The following ADAM29 variants were observed in gnomAD, a reference collection of about 807,000 sequenced individuals.
ADAM29 encodes ADAM metallopeptidase domain 29, also known as disintegrin and metalloproteinase domain-containing protein 29.
For missense variants in ADAM29, 969 were observed against 1,001.8 expected (o/e 0.97, Z 0.44); for synonymous variants, 367 against 342.3 (o/e 1.07, Z -0.80).
At chr4:174,937,894 T>C (rs1560867754) in intron 4 of ADAM29, among the ~76,000 whole-genome samples, 1 of 151,602 alleles carries the variant, frequency 6.6e-6, no homozygotes, top group Non-Finnish European at 1.5e-5. Flanking sequence ...AAGCCAGGAG[T>C]GAAAGAAGCA....
At chr4:174,936,211 C>G (rs1248452766) in intron 3 of ADAM29, among the ~76,000 whole-genome samples, 2 of 151,948 alleles carry the variant, frequency 1.3e-5, no homozygotes, top group East Asian at 3.9e-4. Flanking sequence ...GAAATTCTGT[C>G]TCTATAATAT....
chr4:174,957,001 T>C (rs1745546470), intron 4 of ADAM29, among the ~76,000 whole-genome samples: 1 of 151,920 alleles, frequency 6.6e-6, no homozygotes, highest in Admixed American at 6.6e-5. Context: ...ATTTTTACCT[T>C]TCTTTGCGTG....
intron 3 of ADAM29, among the ~76,000 whole-genome samples, chr4:174,936,571 A>G (rs1744213843): frequency 1.3e-5 from 2 of 152,010 alleles, no homozygotes; most frequent in Admixed American, 1.3e-4. Context: ...TTGATAAAAC[A>G]TTGCAGTTAA....
At chr4:174,924,694 A>G (rs564504278) in intron 2 of ADAM29, among the ~76,000 whole-genome samples, 124 of 152,320 alleles carry the variant, frequency 8.1e-4, no homozygotes, top group African/African-American at 2.9e-3. Flanking sequence ...ATAGTAGGTG[A>G]AAAAAGCCAG....
chr4:174,946,367 A>T (rs558959264), intron 4 of ADAM29, among the ~76,000 whole-genome samples: 2 of 152,294 alleles, frequency 1.3e-5, no homozygotes, highest in South Asian at 2.1e-4. Flanking sequence ...ACTTTGCTTA[A>T]GTACTGTATT....
intron 4 of ADAM29, among the ~76,000 whole-genome samples, chr4:174,949,461 G>A (rs1239642677): frequency 6.6e-6 from 1 of 152,150 alleles, no homozygotes; most frequent in Non-Finnish European, 1.5e-5. Context: ...GGATTCCAGA[G>A]GTCCATGATA....
intron 4 of ADAM29, among the ~76,000 whole-genome samples, chr4:174,965,520 TATC>T (rs1553977779): frequency 1.1e-4 from 15 of 140,514 alleles, no homozygotes; most frequent in Admixed American, 3.5e-4. Flanking sequence ...TCTATCTATC[TATC>T]ATCTATCATC....
chr4:174,934,858 T>C (rs997105581), intron 3 of ADAM29, among the ~76,000 whole-genome samples: 6 of 152,134 alleles, frequency 3.9e-5, no homozygotes, highest in African/African-American at 1.4e-4. Context: ...ATATTATAAT[T>C]AGATGCAAAA....
At chr4:174,934,548 A>G (rs1459638136) in intron 3 of ADAM29, among the ~76,000 whole-genome samples, 1 of 152,162 alleles carries the variant, frequency 6.6e-6, no homozygotes, top group Non-Finnish European at 1.5e-5. Context: ...TACAAATTTT[A>G]ACGCTGATAT....
chr4:174,932,072 T>C (rs1743913455), intron 3 of ADAM29, among the ~76,000 whole-genome samples: 1 of 152,094 alleles, frequency 6.6e-6, no homozygotes, highest in Non-Finnish European at 1.5e-5. Flanking sequence ...GTAGATCACT[T>C]GAGGTCAGGA....
intron 3 of ADAM29, among the ~76,000 whole-genome samples, chr4:174,934,995 G>C (rs1177903519): frequency 6.6e-6 from 1 of 152,112 alleles, no homozygotes; most frequent in South Asian, 2.1e-4. Context: ...ATACACAGAT[G>C]ATAGATAGAT....
intron 4 of ADAM29, among the ~76,000 whole-genome samples, chr4:174,951,734 T>C (rs534656653): frequency 1.8e-4 from 28 of 152,286 alleles, no homozygotes; most frequent in African/African-American, 6.7e-4. Context: ...TATTGTTGAG[T>C]GGCCCTGCGC....
chr4:174,936,836 C>T (rs1009605135), intron 3 of ADAM29, 97 bp from the exon 4 acceptor site: 20 of 151,794 alleles, frequency 1.3e-4, no homozygotes, highest in Middle Eastern at 3.4e-3. Context: ...AGAGTGATCT[C>T]GTTCAGTTTA....
chr4:174,922,953 G>GA (rs1227598109), intron 2 of ADAM29, among the ~76,000 whole-genome samples: 1 of 151,698 alleles, frequency 6.6e-6, no homozygotes, highest in Non-Finnish European at 1.5e-5. Context: ...CAACCCAAAA[G>GA]AAAAAAGACA....
Position 174,976,904 on chromosome 4 carries a change from A to G in ADAM29, c.1379A>G (p.Asn460Ser). ...GGGAAAGTGTGTAGAAAGGAGGTCA[A>G]TGAATGTGATCTTCCAGAGTGGTGC... is the stretch of plus-strand genomic sequence containing the variant. Reference protein sequence around the residue: ...PSGKVCRKEVNECDLPEWCNG... With the variant: ...PSGKVCRKEVSECDLPEWCNG... Residue 460 changes from asparagine to serine, a missense_variant, in exon 5 of 5, where the codon AAT becomes AGT. Physicochemically the swap from Asn to Ser is conservative, Grantham distance 46. Transcript: ENST00000359240. 1.2e-6 allele frequency: 2 copies of G among 1,614,160 alleles called. No homozygotes were observed. The highest frequency in any genetic ancestry group is 1.7e-6 in the Non-Finnish European group (2 of 1,180,020).
chr4:174,975,063 T>TA (rs1341625742), intron 4 of ADAM29, among the ~76,000 whole-genome samples: 2 of 152,158 alleles, frequency 1.3e-5, no homozygotes, highest in Non-Finnish European at 2.9e-5. Flanking sequence ...TATTTGCAAA[T>TA]AATTACATAT....
At chr4:174,945,965 A>C (rs1472233599) in intron 4 of ADAM29, among the ~76,000 whole-genome samples, 1 of 151,926 alleles carries the variant, frequency 6.6e-6, no homozygotes, top group Non-Finnish European at 1.5e-5. Flanking sequence ...AATTGCCTTG[A>C]CTATTTGAGC....
intron 4 of ADAM29, among the ~76,000 whole-genome samples, chr4:174,970,779 C>T (rs2111099071): frequency 6.6e-6 from 1 of 152,242 alleles, no homozygotes; most frequent in South Asian, 2.1e-4. Flanking sequence ...AAATCCCTTT[C>T]ATAGTGTTAT....
intron 4 of ADAM29, among the ~76,000 whole-genome samples, chr4:174,953,033 T>A (rs1745274991): frequency 6.6e-6 from 1 of 152,198 alleles, no homozygotes. Context: ...ACGCCTGTAA[T>A]CCTAGCACTT....
Sources: gnomAD v4.1 joint callset for allele counts (sites outside exome capture counted in the v4.1 genomes callset) on GRCh38, gnomAD v4.1.1 for gene constraint, MANE v1.5 for transcripts, NCBI Gene and HGNC (gene_info 2026-07-23, HGNC 2026-07-21) for gene names.